The following DCDC1 variants were observed in gnomAD, a reference collection of about 807,000 sequenced individuals.
DCDC1 encodes doublecortin domain containing 1.
DCDC1 carries 200 observed loss-of-function variants against 178.3 expected under a neutral mutation model. That is an observed-to-expected ratio of 1.12 (90% CI 1.00 to 1.26). The LOEUF is 1.26. Ranked by LOEUF, DCDC1 falls within the 50% of genes most tolerant of loss-of-function variation. The pLI, the probability that DCDC1 is intolerant of heterozygous loss-of-function variation, is 0.00. For synonymous variants in DCDC1, 690 were observed against 604.8 expected (o/e 1.14, Z -2.07); for missense variants, 1,983 against 1,749.2 (o/e 1.13, Z -2.38).
chr11:31,058,938 T>C (rs1955756782), intron 20 of DCDC1, among the ~76,000 whole-genome samples: 1 of 152,112 alleles, frequency 6.6e-6, no homozygotes, highest in African/African-American at 2.4e-5. Context: ...TTCACTATTA[T>C]AATACTAGAC....
intron 11 of DCDC1, among the ~76,000 whole-genome samples, chr11:31,115,197 G>T (rs1284418247): frequency 6.6e-6 from 1 of 152,182 alleles, no homozygotes; most frequent in Non-Finnish European, 1.5e-5. Context: ...TATAGGGAAA[G>T]CTGCCCTGAA....
intron 7 of DCDC1, among the ~76,000 whole-genome samples, chr11:31,277,673 C>T (rs994138666): frequency 6.6e-6 from 1 of 152,028 alleles, no homozygotes; most frequent in Non-Finnish European, 1.5e-5. Context: ...ATTAATAATA[C>T]TGAGCATCTT....
rs139107574 is a variant in DCDC1 at position 31,187,575 on chromosome 11, G to A, written c.1222-49791C>T. On this transcript the variant is annotated intron_variant, in intron 9 of 38. Coordinates refer to ENST00000684477, the MANE Select transcript of DCDC1 (RefSeq NM_001387274.1). ...AGGTTAAAAATATAGACTGACAAGTGTTTGTATGTTAGAAAACCAAAAAGA... is the reference window on the plus strand; with the variant it reads ...AGGTTAAAAATATAGACTGACAAGTATTTGTATGTTAGAAAACCAAAAAGA... 9.2e-5 allele frequency among the ~76,000 whole-genome samples: 14 copies of A among 152,292 alleles called. 1 individual carries two copies. In the East Asian group the frequency reaches 2.7e-3, roughly 29 times the overall value.
intron 1 of DCDC1, among the ~76,000 whole-genome samples, chr11:31,363,921 T>A (rs967647767): frequency 6.6e-6 from 1 of 152,186 alleles, no homozygotes; most frequent in Admixed American, 6.5e-5. Flanking sequence ...TTCTACTGAA[T>A]ACATATTCAG....
rs567257970 is a variant in DCDC1, at chr11:31,339,300, G to A, written c.-124-3736C>T. ...TTTAGGGAGGCAATTAAGTCATAAG[G>A]GTGGACTCTTTTTACAACGCAAGGG... On this transcript the variant is annotated intron_variant, in intron 1 of 38. Coordinates refer to ENST00000684477, the MANE Select transcript of DCDC1 (RefSeq NM_001387274.1). 4.6e-5 allele frequency among the ~76,000 whole-genome samples: 7 copies of A among 152,200 alleles called. No individual in the cohort carries two copies. In the South Asian group the frequency reaches 1.2e-3, roughly 27 times the overall value.
intron 1 of DCDC1, among the ~76,000 whole-genome samples, chr11:31,358,552 C>T (rs1362177788): frequency 6.6e-6 from 1 of 151,544 alleles, no homozygotes; most frequent in East Asian, 1.9e-4. Flanking sequence ...TCTAAAACAC[C>T]AAAAGCAATG....
At chr11:31,064,313 C>T (rs1007278741) in intron 20 of DCDC1, among the ~76,000 whole-genome samples, 156 bp downstream of exon 20, 1 of 152,074 alleles carries the variant, frequency 6.6e-6, no homozygotes, top group African/African-American at 2.4e-5. Flanking sequence ...TAAATGTCAC[C>T]TTTCTTCATC....
At chr11:31,067,868 G>C (rs573088866) in intron 18 of DCDC1, among the ~76,000 whole-genome samples, 2 of 152,288 alleles carry the variant, frequency 1.3e-5, no homozygotes, top group Non-Finnish European at 1.5e-5. Flanking sequence ...GAGGCGGGCA[G>C]ACAGAGGCAG....
chr11:30,927,731 G>A (rs1256578614), intron 22 of DCDC1, among the ~76,000 whole-genome samples: 1 of 152,062 alleles, frequency 6.6e-6, no homozygotes, highest in African/African-American at 2.4e-5. Context: ...TCATACCTCA[G>A]TTTTGTACAT....
intron 25 of DCDC1, 53 bp from the exon 26 acceptor site, chr11:30,917,081 A>G: frequency 1.3e-6 from 2 of 1,529,510 alleles, no homozygotes; most frequent in Non-Finnish European, 1.7e-6. Flanking sequence ...TCGTGTTCAC[A>G]GAATTTTTTT....
At chr11:31,183,179 T>A (rs1339602394) in intron 9 of DCDC1, among the ~76,000 whole-genome samples, 1 of 151,882 alleles carries the variant, frequency 6.6e-6, no homozygotes, top group Non-Finnish European at 1.5e-5. Context: ...AATGTCAATA[T>A]TAGATCAATG....
intron 1 of DCDC1, among the ~76,000 whole-genome samples, chr11:31,358,550 A>ATTG (rs1951525604): frequency 1.3e-5 from 2 of 151,850 alleles, no homozygotes; most frequent in Non-Finnish European, 2.9e-5. Flanking sequence ...TGTCTAAAAC[A>ATTG]CCAAAAGCAA....
At chr11:31,358,618 C>T (rs1951528989) in intron 1 of DCDC1, among the ~76,000 whole-genome samples, 1 of 151,990 alleles carries the variant, frequency 6.6e-6, no homozygotes, top group Non-Finnish European at 1.5e-5. Context: ...AGCTTCTGCA[C>T]AGCAAAAGAA....
chr11:31,247,872 C>G (rs531631777), intron 8 of DCDC1, among the ~76,000 whole-genome samples: 104 of 152,134 alleles, frequency 6.8e-4, no homozygotes, highest in Middle Eastern at 3.4e-3. Flanking sequence ...TTTGTGAACT[C>G]AATTTCTTGG....
intron 9 of DCDC1, among the ~76,000 whole-genome samples, chr11:31,176,490 T>C (rs532770540): frequency 1.3e-5 from 2 of 152,176 alleles, no homozygotes; most frequent in East Asian, 1.9e-4. Context: ...TAACAAAAAA[T>C]AGCTGAAAAT....
chr11:30,970,075 A>G (rs1949693637), intron 20 of DCDC1, among the ~76,000 whole-genome samples: 1 of 152,236 alleles, frequency 6.6e-6, no homozygotes, highest in African/African-American at 2.4e-5. Flanking sequence ...TTTAGTTAGG[A>G]TAGAATGGGA....
At chr11:31,175,618 T>A (rs966630460) in intron 9 of DCDC1, among the ~76,000 whole-genome samples, 1 of 152,208 alleles carries the variant, frequency 6.6e-6, no homozygotes, top group African/African-American at 2.4e-5. Flanking sequence ...GTCCAGCCAA[T>A]GGCCATCTCA....
At position 30,914,465 on chromosome 11, in the gene DCDC1, A is replaced by C. The variant is rs576393511; in HGVS notation, c.3653+1046T>G. Among the ~76,000 whole-genome samples, 50 of 152,330 alleles carry C rather than the reference A, an allele frequency of 3.3e-4. No homozygotes were observed. The South Asian group carries it at 0.01, about 31-fold the overall frequency. On this transcript the variant is annotated intron_variant, in intron 27 of 38. Transcript: ENST00000684477. ...ATCTCAGCTCTTTCCCAGAAAAAATAAATTGCACGATGCACAAACATACAC... is the reference window on the plus strand; with the variant it reads ...ATCTCAGCTCTTTCCCAGAAAAAATCAATTGCACGATGCACAAACATACAC...
At chr11:31,055,679 G>T (rs1297024463) in intron 20 of DCDC1, among the ~76,000 whole-genome samples, 1 of 152,206 alleles carries the variant, frequency 6.6e-6, no homozygotes, top group East Asian at 1.9e-4. Flanking sequence ...TCATAAAAAA[G>T]GAATGAATTA....
Sources: allele counts gnomAD v4.1 joint callset (sites outside exome capture counted in the v4.1 genomes callset), GRCh38; gene constraint gnomAD v4.1.1; transcripts MANE v1.5; gene names NCBI Gene and HGNC (gene_info 2026-07-23, HGNC 2026-07-21).